Variants in GPR174 observed in about 807,000 individuals in gnomAD.
The protein encoded by GPR174 is probable G protein-coupled receptor 174.
A neutral mutation model predicts 16.5 loss-of-function variants in GPR174; 8 were observed. The ratio of observed to expected loss-of-function variants is 0.48; its 90% CI spans 0.28 to 0.87. The LOEUF (loss-of-function observed/expected upper bound fraction) is 0.87, where lower values mean the gene tolerates loss of function less well. Ranked by LOEUF, GPR174 falls within the 40% of genes least tolerant of loss-of-function variation. GPR174 has a pLI of 0.09. For synonymous variants in GPR174, 111 were observed against 94.8 expected, an observed-to-expected ratio of 1.17 and a Z score of -0.99; for missense variants, 214 against 247.5, an observed-to-expected ratio of 0.86 and a Z score of 0.91.
intron 1 of GPR174, among the ~76,000 whole-genome samples, chrX:79,151,230 G>T (rs1926594608): frequency 1.8e-5 from 2 of 110,907 alleles, no homozygotes; most frequent in South Asian, 7.6e-4. Context: ...CTAAGGATTG[G>T]GCAAGATGCC....
At chrX:79,150,737 G>A (rs1926585329) in intron 1 of GPR174, among the ~76,000 whole-genome samples, 2 of 111,805 alleles carry the variant, frequency 1.8e-5, no homozygotes, top group South Asian at 7.4e-4. Context: ...ATTAGGTTTG[G>A]TTTGCTCAGT....
At chrX:79,164,876 C>T (rs1458590682) in intron 2 of GPR174, among the ~76,000 whole-genome samples, 2 of 111,184 alleles carry the variant, frequency 1.8e-5, no homozygotes, top group Non-Finnish European at 3.8e-5. Flanking sequence ...GCACCTCCCA[C>T]CCATACCTCC....
In GPR174 at chrX:79,172,428, C is replaced by G; in HGVS notation, c.*419C>G. 7.9e-6 allele frequency: 1 copy of G among 126,688 alleles called. No individual in the cohort carries two copies. The highest frequency in any genetic ancestry group is 1.6e-5 in the Non-Finnish European group (1 of 61,993). 10.4% of individuals were successfully genotyped at this position (126,688 alleles called of 1,213,427 possible). On this transcript the variant is annotated 3_prime_UTR_variant, in exon 3 of 3. Coordinates refer to ENST00000645147, the MANE Select transcript of GPR174 (RefSeq NM_032553.3). ...AAGTGTCTTTTTATATTAGTAATCA[C>G]AGTTTACATGCCATTTTCATATGTT...
At chrX:79,151,014 T>A (rs957875904) in intron 1 of GPR174, among the ~76,000 whole-genome samples, 1 of 111,036 alleles carries the variant, frequency 9.0e-6, no homozygotes, top group Non-Finnish European at 1.9e-5. Flanking sequence ...GATATGGATT[T>A]TTTTTCCCTG....
At chrX:79,155,957 C>T (rs901485758) in intron 1 of GPR174, among the ~76,000 whole-genome samples, 1 of 111,816 alleles carries the variant, frequency 8.9e-6, no homozygotes, top group Non-Finnish European at 1.9e-5. Flanking sequence ...ATGTTACCCA[C>T]CTAAGGCTGT....
chrX:79,168,991 C>G (rs956349656), intron 2 of GPR174, among the ~76,000 whole-genome samples: 2 of 111,223 alleles, frequency 1.8e-5, no homozygotes, highest in Admixed American at 9.6e-5. Context: ...AACATAAGTA[C>G]AACTAAGTAA....
intron 1 of GPR174, among the ~76,000 whole-genome samples, chrX:79,146,022 G>A (rs1266687568): frequency 5.4e-5 from 6 of 111,785 alleles, no homozygotes; most frequent in Non-Finnish European, 7.5e-5. Flanking sequence ...CAAAATGTAA[G>A]TGAAATTATT....
At chrX:79,167,601 A>G (rs1921407330) in intron 2 of GPR174, among the ~76,000 whole-genome samples, 2 of 110,981 alleles carry the variant, frequency 1.8e-5, no homozygotes, top group African/African-American at 3.3e-5. Flanking sequence ...TGGAATGATC[A>G]CAAATTAAGA....
intron 1 of GPR174, among the ~76,000 whole-genome samples, chrX:79,151,218 T>C (rs1158928360): frequency 9.0e-6 from 1 of 111,624 alleles, no homozygotes; most frequent in Admixed American, 9.6e-5. Flanking sequence ...CTTAACGATA[T>C]ACTAAGGATT....
At position 79,172,245 on chromosome X, in the gene GPR174, T is replaced by C; in HGVS notation, c.*236T>C. 6 of 367,194 alleles carry C rather than the reference T, an allele frequency of 1.6e-5. No homozygotes were observed. Among genetic ancestry groups the C allele is most frequent in the Non-Finnish European group, 1.4e-5 (3 of 208,451 alleles). The allele number at this position is 367,194 out of a possible 1,213,427, so 30.3% of individuals were successfully genotyped here. On this transcript the variant is annotated 3_prime_UTR_variant, in exon 3 of 3. Transcript: ENST00000645147. ...TTCTTCAAGTCTGTAAATCTTAAAA[T>C]ATCAAATTTCTGTGACATCCTATAA... is the stretch of plus-strand genomic sequence containing the variant.
chrX:79,161,181 T>C (rs142409747), intron 2 of GPR174, among the ~76,000 whole-genome samples: 5 of 112,159 alleles, frequency 4.5e-5, no homozygotes, highest in African/African-American at 1.6e-4. Flanking sequence ...GAGTTATGTT[T>C]CTAATCTCTT....
At position 79,171,998 on chromosome X, in the gene GPR174, G is replaced by T. The variant is rs200685902; in HGVS notation, c.991G>T (p.Glu331Ter). The T allele has an allele frequency of 2.5e-6, 3 of 1,182,740 alleles. No homozygotes were observed. In the East Asian group the frequency reaches 9.0e-5, roughly 35 times the overall value. Residue 331 changes from glutamate (E) to a stop codon, truncating the protein, a stop_gained, in exon 3 of 3, where the codon GAA becomes TAA. Coordinates refer to ENST00000645147, the MANE Select transcript of GPR174 (RefSeq NM_032553.3). LOFTEE classifies it high-confidence loss of function. ...SNHTASTMTP[E>*]LC ...CCATACAGCTTCCACCATGACACCT[G>T]AATTATGCTAAAACAAAAAACCAAA...
At chrX:79,148,420 GTTA>G (rs757123673) in intron 1 of GPR174, among the ~76,000 whole-genome samples, 1 of 112,015 alleles carries the variant, frequency 8.9e-6, no homozygotes, top group Non-Finnish European at 1.9e-5. Flanking sequence ...CTTTAATATT[GTTA>G]TTATTATTTA....
intron 2 of GPR174, among the ~76,000 whole-genome samples, chrX:79,158,663 C>T (rs764254042): frequency 1.9e-5 from 2 of 106,142 alleles, no homozygotes; most frequent in Non-Finnish European, 3.9e-5. Context: ...AGGATGGTCT[C>T]GATCTCTTGA....
intron 2 of GPR174, among the ~76,000 whole-genome samples, chrX:79,160,191 C>CT (rs907432989): frequency 2.9e-4 from 32 of 110,090 alleles, no homozygotes; most frequent in African/African-American, 6.9e-4. Context: ...AAAAAAAGGC[C>CT]TTTTTTTTCT....
intron 2 of GPR174, among the ~76,000 whole-genome samples, chrX:79,163,133 T>C (rs1360023017): frequency 1.8e-5 from 2 of 111,662 alleles, no homozygotes; most frequent in East Asian, 5.6e-4. Context: ...GCCATTGCAG[T>C]GTGGACACTT....
intron 2 of GPR174, among the ~76,000 whole-genome samples, chrX:79,160,595 C>T (rs1336725789): frequency 1.8e-5 from 2 of 111,663 alleles, no homozygotes. Context: ...AAGATTACTA[C>T]TCATTGTCTC....
At chrX:79,166,553 C>T (rs895401839) in intron 2 of GPR174, among the ~76,000 whole-genome samples, 2 of 103,482 alleles carry the variant, frequency 1.9e-5, no homozygotes, top group Admixed American at 2.2e-4. Context: ...ATTCTCCTGC[C>T]TCAGTGTCCC....
At chrX:79,163,007 G>A (rs1004886653) in intron 2 of GPR174, among the ~76,000 whole-genome samples, 1 of 111,785 alleles carries the variant, frequency 8.9e-6, no homozygotes, top group Non-Finnish European at 1.9e-5. Flanking sequence ...GAGACATCGA[G>A]GTACATGCTG....
Sources: gnomAD v4.1 joint callset for allele counts (sites outside exome capture counted in the v4.1 genomes callset) on GRCh38, gnomAD v4.1.1 for gene constraint, MANE v1.5 for transcripts, NCBI Gene and HGNC (gene_info 2026-07-23, HGNC 2026-07-21) for gene names.